KIAA1328: variants seen among roughly 807,000 people sequenced by gnomAD.
KIAA1328 encodes the protein protein hinderin.
A neutral mutation model predicts 68.1 loss-of-function variants in KIAA1328; 52 were observed. The observed-to-expected ratio is 0.76, with a 90% CI of 0.61 to 0.96. The LOEUF is 0.96. Among genes scored for constraint, KIAA1328 ranks in the 40% least tolerant of loss-of-function variants. KIAA1328 has a pLI of 0.00. For missense variants in KIAA1328, 641 were observed against 677.6 expected (o/e 0.95, Z 0.60); for synonymous variants, 232 against 239.4 (o/e 0.97, Z 0.28).
At chr18:37,076,015 A>C (rs1387894856) in intron 7 of KIAA1328, among the ~76,000 whole-genome samples, 1 of 152,012 alleles carries the variant, frequency 6.6e-6, no homozygotes, top group Non-Finnish European at 1.5e-5. Context: ...TCCACCCCAA[A>C]TCAACAGAAT....
chr18:37,143,521 C>CTTTTTTTTTTT (rs57046567), intron 7 of KIAA1328, among the ~76,000 whole-genome samples: 360 of 90,750 alleles, frequency 4.0e-3, no homozygotes, highest in Middle Eastern at 9.4e-3. Flanking sequence ...TTTTTTCTTT[C>CTTTTTTTTTTT]TTTTTTTTTT....
intron 6 of KIAA1328, among the ~76,000 whole-genome samples, chr18:36,962,737 G>A (rs2051740862): frequency 6.6e-6 from 1 of 152,170 alleles, no homozygotes; most frequent in African/African-American, 2.4e-5. Context: ...ATAACGAAAT[G>A]AAGGCAGAAA....
intron 6 of KIAA1328, among the ~76,000 whole-genome samples, chr18:36,995,996 T>G (rs2053376744): frequency 6.6e-6 from 1 of 152,226 alleles, no homozygotes; most frequent in African/African-American, 2.4e-5. Flanking sequence ...CTATGCTACT[T>G]GCTTTACAAA....
intron 4 of KIAA1328, among the ~76,000 whole-genome samples, chr18:36,882,718 T>A (rs191496134): frequency 8.5e-5 from 13 of 152,220 alleles, no homozygotes; most frequent in African/African-American, 1.4e-4. Flanking sequence ...TAGAAAAGAA[T>A]CATTTTATCT....
intron 7 of KIAA1328, among the ~76,000 whole-genome samples, chr18:37,133,454 A>C (rs1411664240): frequency 6.6e-6 from 1 of 152,096 alleles, no homozygotes; most frequent in Non-Finnish European, 1.5e-5. Flanking sequence ...GTGATGGTTA[A>C]AAGAATCTAT....
In KIAA1328 at chr18:37,103,838, A is replaced by T. The variant is rs566669349; in HGVS notation, c.1232+36293A>T. 1.4e-4 allele frequency among the ~76,000 whole-genome samples: 20 copies of T among 140,326 alleles called. 2 individuals carry two copies. The highest frequency in any genetic ancestry group is 1.1e-3 in the Admixed American group (16 of 13,996). The allele number at this position is 140,326 out of a possible 152,430, so 92.1% of individuals were successfully genotyped here. On this transcript the variant is annotated intron_variant, in intron 7 of 9. Transcript: ENST00000280020. ...CACACACACACACACACACACACAC[A>T]CTCCCATCTAAAAGACAAAGAACTG...
At chr18:37,201,425 C>T (rs539011855) in intron 9 of KIAA1328, among the ~76,000 whole-genome samples, 2 of 151,998 alleles carry the variant, frequency 1.3e-5, no homozygotes, top group South Asian at 2.1e-4. Flanking sequence ...ATAATAAAAG[C>T]AGGGCTGGAA....
intron 9 of KIAA1328, among the ~76,000 whole-genome samples, chr18:37,213,718 C>T (rs180962986): frequency 3.9e-5 from 6 of 152,238 alleles, no homozygotes; most frequent in Admixed American, 2.0e-4. Flanking sequence ...CTTGAGGAAT[C>T]GCCACACTGT....
chr18:37,017,592 G>GT (rs1317132347), intron 6 of KIAA1328, among the ~76,000 whole-genome samples: 6 of 152,122 alleles, frequency 3.9e-5, no homozygotes, highest in African/African-American at 9.7e-5. Flanking sequence ...TTGTGTGACT[G>GT]TTTAAGTTTT....
intron 9 of KIAA1328, among the ~76,000 whole-genome samples, chr18:37,180,791 C>G (rs920017763): frequency 6.6e-6 from 1 of 152,102 alleles, no homozygotes; most frequent in South Asian, 2.1e-4. Context: ...TCACAAACCT[C>G]TGCTGGGGTT....
rs919345779 is a variant in KIAA1328, at chr18:37,122,487, G to A, written c.1233-37713G>A. 1.1e-4 allele frequency among the ~76,000 whole-genome samples: 16 copies of A among 152,170 alleles called. No individual in the cohort carries two copies. In the East Asian group the frequency reaches 3.1e-3, roughly 29 times the overall value. On this transcript the variant is annotated intron_variant, in intron 7 of 9. Coordinates refer to ENST00000280020, the MANE Select transcript of KIAA1328 (RefSeq NM_020776.3). ...ATATTTAAATGTAGATGACAAGGAA[G>A]CAATATGAAGATGTTAAAAATACAG... is the stretch of plus-strand genomic sequence containing the variant.
chr18:36,831,431 A>T (rs568440573), intron 1 of KIAA1328, among the ~76,000 whole-genome samples: 14 of 152,216 alleles, frequency 9.2e-5, no homozygotes, highest in African/African-American at 3.1e-4. Flanking sequence ...TTGTCATGTT[A>T]TGGGTTAAAT....
At chr18:36,926,283 A>G (rs1179056419) in intron 5 of KIAA1328, among the ~76,000 whole-genome samples, 3 of 152,162 alleles carry the variant, frequency 2.0e-5, no homozygotes, top group Admixed American at 6.6e-5. Flanking sequence ...GTAATCTCTA[A>G]TAGCAGATGG....
intron 5 of KIAA1328, among the ~76,000 whole-genome samples, chr18:36,957,168 C>T (rs1018269667): frequency 6.6e-5 from 10 of 152,042 alleles, no homozygotes; most frequent in Admixed American, 2.6e-4. Context: ...GAATCTGCCC[C>T]GAAGCAATGA....
intron 4 of KIAA1328, among the ~76,000 whole-genome samples, chr18:36,855,475 C>T (rs1384773755): frequency 3.3e-5 from 5 of 151,952 alleles, no homozygotes; most frequent in African/African-American, 1.2e-4. Context: ...CTGTTCAAGT[C>T]CTTTCTCCAT....
At chr18:36,908,829 AT>A (rs2049317769) in intron 5 of KIAA1328, among the ~76,000 whole-genome samples, 1 of 152,200 alleles carries the variant, frequency 6.6e-6, no homozygotes, top group South Asian at 2.1e-4. Flanking sequence ...AATTATGTTA[AT>A]TGAGCAGTTC....
chr18:37,159,456 C>A (rs562361456), intron 7 of KIAA1328, among the ~76,000 whole-genome samples: 2 of 152,046 alleles, frequency 1.3e-5, no homozygotes, highest in East Asian at 1.9e-4. Flanking sequence ...ATGGGGAAGA[C>A]AAAACCAAAG....
intron 4 of KIAA1328, among the ~76,000 whole-genome samples, chr18:36,851,918 A>G (rs576205963): frequency 3.9e-5 from 6 of 152,118 alleles, no homozygotes; most frequent in Admixed American, 3.9e-4. Context: ...GTAGGAATTT[A>G]TAGCTATAAA....
chr18:37,148,319 A>T (rs1281308868), intron 7 of KIAA1328, among the ~76,000 whole-genome samples: 1 of 152,138 alleles, frequency 6.6e-6, no homozygotes, highest in Non-Finnish European at 1.5e-5. Context: ...GTTCCTTTTT[A>T]TGACTGCATA....
Sources: allele counts gnomAD v4.1 joint callset (sites outside exome capture counted in the v4.1 genomes callset), GRCh38; gene constraint gnomAD v4.1.1; transcripts MANE v1.5; gene names NCBI Gene and HGNC (gene_info 2026-07-23, HGNC 2026-07-21).